The following BAIAP3 variants were observed in gnomAD, a reference collection of about 807,000 sequenced individuals.
The protein encoded by BAIAP3 is BAI1-associated protein 3.
A neutral mutation model predicts 149.7 loss-of-function variants in BAIAP3; 180 were observed. The observed-to-expected ratio is 1.20, with a 90% CI of 1.07 to 1.36. The LOEUF (loss-of-function observed/expected upper bound fraction) is 1.36. Among genes scored for constraint, BAIAP3 ranks in the 40% most tolerant of loss-of-function variants. The pLI, the probability that BAIAP3 is intolerant of heterozygous loss-of-function variation, is 0.00. For missense variants in BAIAP3, 1,767 were observed against 1,563.4 expected (o/e 1.13, Z -2.20); for synonymous variants, 845 against 670.7 (o/e 1.26, Z -4.02).
chr16:1,335,768 G>C (rs2033411604), intron 1 of BAIAP3, among the ~76,000 whole-genome samples: 1 of 152,176 alleles, frequency 6.6e-6, no homozygotes, highest in Non-Finnish European at 1.5e-5. Flanking sequence ...GCAGTGGGAG[G>C]GGCAGGAGCT....
chr16:1,339,362 T>G lies in BAIAP3; in HGVS notation c.300+118T>G. 4.0e-6 allele frequency: 6 copies of G among 1,494,132 alleles called. No homozygotes were observed. The South Asian group carries it at 7.5e-5, about 19-fold the overall frequency. The allele number at this position is 1,494,132 out of a possible 1,614,324, so 92.6% of individuals were successfully genotyped here. A position where few individuals can be genotyped will look rare whatever the true frequency, so the allele number is the denominator to read the frequency against. ...ATGGCAGAGAGCCAGGGTGAGTGGG[T>G]GGGTGAGTGAGGAGCGGAGGGGCTC... On this transcript the variant is annotated intron_variant, in intron 4 of 33. Coordinates refer to ENST00000426824, the MANE Select transcript of BAIAP3 (RefSeq NM_001199097.2).
rs761773035 is a variant in BAIAP3 at position 1,347,544 on chromosome 16, G to A, written c.2824-1G>A. The A allele has an allele frequency of 1.9e-6, 3 of 1,605,248 alleles. No homozygotes were observed. The highest frequency in any genetic ancestry group is 2.5e-6 in the Non-Finnish European group (3 of 1,176,776). ...CCCTCCTGATGCGCTTCCCCCTGCA[G>A]AGGCTGAAGGAGGAGCTGCGGCTGC... On this transcript the variant is annotated splice_acceptor_variant, in intron 29 of 33. Coordinates refer to ENST00000426824, the MANE Select transcript of BAIAP3 (RefSeq NM_001199097.2). LOFTEE classifies it high-confidence loss of function.
intron 1 of BAIAP3, chr16:1,334,773 A>AT: frequency 6.5e-7 from 1 of 1,546,500 alleles, no homozygotes. Context: ...CCAGGGAGAG[A>AT]TTCCTGCGGG....
chr16:1,337,751 G>C (rs1473632523), intron 1 of BAIAP3, among the ~76,000 whole-genome samples: 1 of 152,210 alleles, frequency 6.6e-6, no homozygotes, highest in Non-Finnish European at 1.5e-5. Context: ...AACTGACGCT[G>C]GATGGACTGG....
At chr16:1,345,660 C>T in intron 22 of BAIAP3, 87 bp from the exon 23 acceptor site, 1 of 562,918 alleles carries the variant, frequency 1.8e-6, no homozygotes, top group Non-Finnish European at 2.9e-6. Context: ...TCCTCCGCAA[C>T]CCCAGCCTCC....
chr16:1,341,979 C>A lies in BAIAP3; in HGVS notation c.777-7C>A, dbSNP rs770661581. The A allele has an allele frequency of 4.4e-6, 7 of 1,590,774 alleles. No homozygotes were observed. Among genetic ancestry groups the A allele is most frequent in the Non-Finnish European group, 6.0e-6 (7 of 1,168,930 alleles). On this transcript the variant is annotated splice_polypyrimidine_tract_variant and splice_region_variant and intron_variant, in intron 9 of 33. Coordinates refer to ENST00000426824, the MANE Select transcript of BAIAP3 (RefSeq NM_001199097.2). ...AGACAAGCCAGGTCCTCCCCTGTCC[C>A]CACCAGGGATCATGACGACGATGTA...
At position 1,346,916 on chromosome 16, in the gene BAIAP3, C is replaced by A; in HGVS notation, c.2712C>A (p.Val904=). The A allele has an allele frequency of 1.2e-6, 2 of 1,611,576 alleles. No individual in the cohort carries two copies. The highest frequency in any genetic ancestry group is 1.7e-6 in the Non-Finnish European group (2 of 1,179,746). ...ILQALGANRD[V]SADFYSRFHF... is the part of the protein sequence containing the mutation. ...AGGCGCTGGGTGCAAACCGTGACGT[C>A]TCTGCTGATTTCTACAGCCGCTTCC... The change falls in exon 28 of 34, where the codon GTC becomes GTA. Residue 904 remains valine (V), a synonymous_variant. Transcript: ENST00000426824.
In BAIAP3 at chr16:1,344,151, G is replaced by A. The variant is rs370026015; in HGVS notation, c.1511+5G>A. 38 of 1,611,726 alleles carry A rather than the reference G, an allele frequency of 2.4e-5. No homozygotes were observed. Among genetic ancestry groups the A allele is most frequent in the Non-Finnish European group, 3.1e-5 (36 of 1,179,726 alleles). ...CCGCCTGGAGCTGCTGCTGAAGTGG[G>A]TGCAGCGCCGCGTGTCAGCGTGGGT... is the stretch of plus-strand genomic sequence containing the variant. On this transcript the variant is annotated splice_donor_5th_base_variant and intron_variant, in intron 16 of 33. Transcript: ENST00000426824.
rs751821307 is a variant in BAIAP3 at position 1,347,322 on chromosome 16, G to C, written c.2776G>C (p.Glu926Gln). The change falls in exon 29 of 34, where the codon GAG becomes CAG. Residue 926 changes from glutamate (E) to glutamine (Q), a missense_variant. Coordinates refer to ENST00000426824, the MANE Select transcript of BAIAP3 (RefSeq NM_001199097.2). ...LEALVSFFHA[E>Q]GQGLPLESLR... Reference sequence around the variant, plus strand: ...GGCCCTGGTCAGTTTTTTCCACGCAGAGGGTCAGGGTTTGCCCCTGGAGAG... The same window carrying C: ...GGCCCTGGTCAGTTTTTTCCACGCACAGGGTCAGGGTTTGCCCCTGGAGAG... 6.2e-7 allele frequency: 1 copy of C among 1,613,444 alleles called. No homozygotes were observed. Among genetic ancestry groups the C allele is most frequent in the Non-Finnish European group, 8.5e-7 (1 of 1,179,944 alleles).
At chr16:1,346,415 C>T (rs746618468) in intron 25 of BAIAP3, 27 bp from the exon 26 acceptor site, 135 of 1,611,886 alleles carry the variant, frequency 8.4e-5, no homozygotes, top group Non-Finnish European at 1.0e-4. Flanking sequence ...GCCCCCTGCC[C>T]GTGCTGAGCA....
chr16:1,348,408 C>T lies in BAIAP3; in HGVS notation c.3385C>T (p.Arg1129Cys), dbSNP rs949672891. ...VRSALRRLEG[R>C]TSKEAQEFVK... ...ATCTGCGCTGAGGAGGCTGGAAGGCCGCACCAGCAAGGAGGCGCAGGAGTT... is the reference window on the plus strand; with the variant it reads ...ATCTGCGCTGAGGAGGCTGGAAGGCTGCACCAGCAAGGAGGCGCAGGAGTT... The change falls in exon 34 of 34, where the codon CGC becomes TGC. Residue 1129 changes from arginine (R) to cysteine (C), a missense_variant. Arg to Cys is a radical substitution (Grantham distance 180). Transcript: ENST00000426824. 29 of 1,612,550 alleles carry T rather than the reference C, an allele frequency of 1.8e-5. No individual in the cohort carries two copies. Among genetic ancestry groups the T allele is most frequent in the African/African-American group, 2.7e-5 (2 of 74,934 alleles).
intron 1 of BAIAP3, chr16:1,334,644 T>A: frequency 6.5e-7 from 1 of 1,544,244 alleles, no homozygotes. Flanking sequence ...GAATGCAGAT[T>A]CCCGGGGTTC....
At position 1,340,987 on chromosome 16, in the gene BAIAP3, G is replaced by A. The variant is rs760196266; in HGVS notation, c.468+6G>A. The A allele has an allele frequency of 1.3e-6, 2 of 1,599,858 alleles. No individual in the cohort carries two copies. Among genetic ancestry groups the A allele is most frequent in the South Asian group, 2.2e-5 (2 of 89,544 alleles). On this transcript the variant is annotated splice_donor_region_variant and intron_variant, in intron 6 of 33. Transcript: ENST00000426824. ...AGCGAGTGAGGAAGGCCAAGGTGAGGCCGCCACTGCCTGGGCAGGCACTGA... is the reference window on the plus strand; with the variant it reads ...AGCGAGTGAGGAAGGCCAAGGTGAGACCGCCACTGCCTGGGCAGGCACTGA...
rs1204624249 is a variant in BAIAP3, at chr16:1,345,389, C to T, written c.2064+17C>T. On this transcript the variant is annotated intron_variant, in intron 22 of 33. Coordinates refer to ENST00000426824, the MANE Select transcript of BAIAP3 (RefSeq NM_001199097.2). ...ATGGACACGGTGACAGCTGCCCTGGCCTGAGGACACTGGGGCTGGTCCAGG... is the reference window on the plus strand; with the variant it reads ...ATGGACACGGTGACAGCTGCCCTGGTCTGAGGACACTGGGGCTGGTCCAGG... 3.1e-6 allele frequency: 5 copies of T among 1,605,524 alleles called. No individual in the cohort carries two copies. Among genetic ancestry groups the T allele is most frequent in the Non-Finnish European group, 4.3e-6 (5 of 1,175,876 alleles).
chr16:1,349,224 CA>C lies in BAIAP3; in HGVS notation c.*743del. On this transcript the variant is annotated 3_prime_UTR_variant, in exon 34 of 34. Coordinates refer to ENST00000426824, the MANE Select transcript of BAIAP3 (RefSeq NM_001199097.2). The stretch of plus-strand genomic sequence containing the variant: ...CCTTCCCCAGGCCCAGTGTGAAAAA[CA>C]GACTCACAAGGGGCTTCTTGGCCTG... The C allele has an allele frequency of 1.6e-6, 1 of 618,090 alleles. No homozygotes were observed. Among genetic ancestry groups the C allele is most frequent in the Non-Finnish European group, 2.9e-6 (1 of 347,840 alleles). The allele number at this position is 618,090 out of a possible 1,614,324, so 38.3% of individuals were successfully genotyped here.
chr16:1,338,120 T>G (rs2033593192), intron 1 of BAIAP3, among the ~76,000 whole-genome samples: 1 of 152,114 alleles, frequency 6.6e-6, no homozygotes, highest in South Asian at 2.1e-4. Flanking sequence ...AGCTGAGTGC[T>G]GTGGCCCAGA....
At position 1,345,763 on chromosome 16, in the gene BAIAP3, C is replaced by A; in HGVS notation, c.2081C>A (p.Ala694Asp). ...VDMDTLEPVD[A>D]SSRHSSSAAT... ...CCTCCCTAGCTGGAGCCCGTGGACG[C>A]CTCCTCCAGGCACAGCAGCTCCGCA... is the stretch of plus-strand genomic sequence containing the variant. The change falls in exon 23 of 34, where the codon GCC becomes GAC. Residue 694 changes from alanine (A) to aspartate (D), a missense_variant. By Grantham distance (126) the Ala-to-Asp change is moderately radical. Transcript: ENST00000426824. 2 of 1,550,664 alleles carry A rather than the reference C, an allele frequency of 1.3e-6. No individual in the cohort carries two copies. The highest frequency in any genetic ancestry group is 1.2e-5 in the South Asian group (1 of 84,826).
chr16:1,336,049 C>T (rs565200416), intron 1 of BAIAP3: 1 of 181,990 alleles, frequency 5.5e-6, no homozygotes, highest in Admixed American at 6.5e-5. Flanking sequence ...ATCTTGTTAT[C>T]ACAAAGACAC....
At chr16:1,339,302 T>C (rs1220601204) in intron 4 of BAIAP3, 58 bp downstream of exon 4, 1 of 1,538,622 alleles carries the variant, frequency 6.5e-7, no homozygotes, top group African/African-American at 1.4e-5. Context: ...CCCTCAGCCG[T>C]TTAGAGGCAC....
Sources: allele counts gnomAD v4.1 joint callset (sites outside exome capture counted in the v4.1 genomes callset), GRCh38; gene constraint gnomAD v4.1.1; transcripts MANE v1.5; gene names NCBI Gene and HGNC (gene_info 2026-07-23, HGNC 2026-07-21).